The following GALNTL6 variants were observed in gnomAD, a reference collection of about 807,000 sequenced individuals.
GALNTL6 encodes the protein polypeptide N-acetylgalactosaminyltransferase-like 6.
A neutral mutation model predicts 73.7 loss-of-function variants in GALNTL6; 46 were observed. That is an observed-to-expected ratio of 0.62 (90% CI 0.49 to 0.80). The LOEUF (loss-of-function observed/expected upper bound fraction) is 0.80. Ranked by LOEUF, GALNTL6 falls within the 30% of genes least tolerant of loss-of-function variation. The pLI is 0.00. For missense variants in GALNTL6, 604 were observed against 755.0 expected (o/e 0.80, Z 2.34); for synonymous variants, 259 against 263.7 (o/e 0.98, Z 0.17).
At chr4:172,733,868 C>T (rs1310275177) in intron 5 of GALNTL6, among the ~76,000 whole-genome samples, 1 of 152,162 alleles carries the variant, frequency 6.6e-6, no homozygotes, top group African/African-American at 2.4e-5. Context: ...TGGGGTACTC[C>T]TATAAGGATA....
At chr4:172,965,454 G>T (rs2126391051) in intron 10 of GALNTL6, among the ~76,000 whole-genome samples, 1 of 152,058 alleles carries the variant, frequency 6.6e-6, no homozygotes, top group African/African-American at 2.4e-5. Flanking sequence ...GTGGTGGCAG[G>T]CGCCTGTAGT....
At chr4:171,982,438 C>G (rs1004675670) in intron 2 of GALNTL6, among the ~76,000 whole-genome samples, 1 of 152,092 alleles carries the variant, frequency 6.6e-6, no homozygotes, top group Admixed American at 6.5e-5. Flanking sequence ...GCTGGGACTA[C>G]AGGCGCCCGC....
At chr4:171,981,460 A>C (rs1382494393) in intron 2 of GALNTL6, among the ~76,000 whole-genome samples, 1 of 152,188 alleles carries the variant, frequency 6.6e-6, no homozygotes. Context: ...TGTGGTTAAG[A>C]TCTTGAGGCC....
chr4:172,872,807 G>C (rs1286792037), intron 7 of GALNTL6, among the ~76,000 whole-genome samples: 2 of 152,144 alleles, frequency 1.3e-5, no homozygotes, highest in African/African-American at 4.8e-5. Flanking sequence ...TTCTTGACTA[G>C]TTACAGGCCT....
chr4:172,303,031 AC>A (rs1157155332), intron 3 of GALNTL6, among the ~76,000 whole-genome samples: 2 of 151,806 alleles, frequency 1.3e-5, no homozygotes, highest in African/African-American at 4.8e-5. Context: ...ATGGAGTCTC[AC>A]TCTGTCACCC....
chr4:171,963,577 CTAAT>C (rs1343775551), intron 2 of GALNTL6, among the ~76,000 whole-genome samples: 5 of 152,074 alleles, frequency 3.3e-5, no homozygotes, highest in Non-Finnish European at 7.4e-5. Context: ...CATTTTTAAA[CTAAT>C]TATTTAGTTC....
At chr4:172,930,472 A>G (rs1415488532) in intron 8 of GALNTL6, among the ~76,000 whole-genome samples, 1 of 152,174 alleles carries the variant, frequency 6.6e-6, no homozygotes, top group Non-Finnish European at 1.5e-5. Context: ...TTCACTTTTT[A>G]TATGTTAAAT....
At chr4:171,990,478 T>G (rs1027852196) in intron 2 of GALNTL6, among the ~76,000 whole-genome samples, 2 of 152,154 alleles carry the variant, frequency 1.3e-5, no homozygotes, top group Admixed American at 6.5e-5. Context: ...CTTAATCAAT[T>G]TATTATTCTG....
At chr4:172,184,832 G>T (rs1413205432) in intron 2 of GALNTL6, among the ~76,000 whole-genome samples, 1 of 152,180 alleles carries the variant, frequency 6.6e-6, no homozygotes, top group Admixed American at 6.5e-5. Context: ...AGGGGGCTGG[G>T]GTGAGAGAGA....
intron 2 of GALNTL6, among the ~76,000 whole-genome samples, chr4:172,015,866 C>T (rs1180370820): frequency 6.6e-6 from 1 of 151,048 alleles, no homozygotes; most frequent in African/African-American, 2.4e-5. Context: ...AGATAGGACC[C>T]CAATCCCTTC....
rs193026368 is a variant in GALNTL6, at chr4:171,944,809, T to A, written c.138+130091T>A. The stretch of plus-strand genomic sequence containing the variant: ...AATTTATTGTTGCATTATACAAAGA[T>A]ACTTAAAAAAAAAATCTCACCTGTA... On this transcript the variant is annotated intron_variant, in intron 2 of 12. Coordinates refer to ENST00000506823, the MANE Select transcript of GALNTL6 (RefSeq NM_001034845.3). Among the ~76,000 whole-genome samples, 299 of 151,590 alleles carry A rather than the reference T, an allele frequency of 2.0e-3. 1 individual carries two copies. The highest frequency in any genetic ancestry group is 3.5e-3 in the Non-Finnish European group (235 of 67,860).
chr4:172,670,824 G>T (rs1731933054), intron 5 of GALNTL6, among the ~76,000 whole-genome samples: 1 of 152,066 alleles, frequency 6.6e-6, no homozygotes, highest in Non-Finnish European at 1.5e-5. Flanking sequence ...GTTAATTTTT[G>T]TATCTGGTGT....
intron 9 of GALNTL6, among the ~76,000 whole-genome samples, chr4:172,946,124 CGTGTGTGT>C (rs71594019): frequency 0.05 from 7,420 of 148,516 alleles, 617 homozygotes; most frequent in African/African-American, 0.17. Context: ...GGGGAAAAAG[CGTGTGTGT>C]GTGTGTGTGT....
intron 5 of GALNTL6, among the ~76,000 whole-genome samples, chr4:172,466,868 A>G (rs779697470): frequency 2.0e-5 from 3 of 152,270 alleles, no homozygotes; most frequent in Non-Finnish European, 4.4e-5. Flanking sequence ...CAGTATGCTT[A>G]TAGACCTCCT....
chr4:172,193,537 C>G (rs1030711788), intron 2 of GALNTL6, among the ~76,000 whole-genome samples: 1 of 136,882 alleles, frequency 7.3e-6, no homozygotes, highest in East Asian at 2.7e-4. Flanking sequence ...GGTCAGCAGC[C>G]TCAAAGATTG....
intron 2 of GALNTL6, among the ~76,000 whole-genome samples, chr4:172,193,133 C>T (rs76009023): frequency 0.031 from 4,722 of 152,294 alleles, 109 homozygotes; most frequent in Non-Finnish European, 0.051. Flanking sequence ...AGAGGGACTA[C>T]CCCCAGCACA....
chr4:171,827,580 C>T (rs557352911), intron 2 of GALNTL6, among the ~76,000 whole-genome samples: 2 of 152,132 alleles, frequency 1.3e-5, no homozygotes, highest in Non-Finnish European at 2.9e-5. Context: ...TCCCTCCTTA[C>T]GATATGAACC....
chr4:172,077,888 G>A (rs1425039066), intron 2 of GALNTL6, among the ~76,000 whole-genome samples: 1 of 152,144 alleles, frequency 6.6e-6, no homozygotes, highest in East Asian at 1.9e-4. Flanking sequence ...TTATGGGCCA[G>A]GCCCAGGGCT....
intron 5 of GALNTL6, among the ~76,000 whole-genome samples, chr4:172,609,458 A>G (rs1346915598): frequency 6.6e-6 from 1 of 152,126 alleles, no homozygotes; most frequent in Non-Finnish European, 1.5e-5. Flanking sequence ...TGATTTGCAT[A>G]TGTAGAACCG....
Sources: allele counts gnomAD v4.1 joint callset (sites outside exome capture counted in the v4.1 genomes callset), GRCh38; gene constraint gnomAD v4.1.1; transcripts MANE v1.5; gene names NCBI Gene and HGNC (gene_info 2026-07-23, HGNC 2026-07-21).